Variants in GNPTAB observed in about 807,000 individuals in gnomAD.
The protein encoded by GNPTAB is N-acetylglucosamine-1-phosphate transferase subunits alpha and beta.
GNPTAB carries 92 observed loss-of-function variants against 136.6 expected under a neutral mutation model. The observed-to-expected ratio is 0.67, with a 90% CI of 0.57 to 0.80. The LOEUF (loss-of-function observed/expected upper bound fraction) is 0.80. GNPTAB is among the 30% of genes least tolerant of loss of function. The probability of loss-of-function intolerance (pLI) is 0.00; values close to 1 mark genes in which losing one functional copy is unlikely to be tolerated. For synonymous variants in GNPTAB, 512 were observed against 535.1 expected (o/e 0.96, Z 0.60); for missense variants, 1,343 against 1,501.8 (o/e 0.89, Z 1.75).
In GNPTAB at chr12:101,802,791, G is replaced by A. The variant is rs371980167; in HGVS notation, c.118-6029C>T. 2.0e-3 allele frequency among the ~76,000 whole-genome samples: 298 copies of A among 152,262 alleles called. 6 individuals are homozygous for A. The highest frequency in any genetic ancestry group is 6.9e-3 in the African/African-American group (286 of 41,548). On this transcript the variant is annotated intron_variant, in intron 1 of 20. Transcript: ENST00000299314. ...CTCTCCCAGCTGGTCAAAAGGGCCC[G>A]AACAGAATGGGAAACTGTGCCTACC...
chr12:101,808,525 G>A (rs937237118), intron 1 of GNPTAB, among the ~76,000 whole-genome samples: 4 of 152,082 alleles, frequency 2.6e-5, no homozygotes, highest in Non-Finnish European at 5.9e-5. Context: ...CTGGATGACA[G>A]AGCAAGACTC....
intron 11 of GNPTAB, 35 bp from the exon 12 acceptor site, chr12:101,766,329 T>A (rs767500508): frequency 1.3e-6 from 2 of 1,571,574 alleles, no homozygotes; most frequent in Non-Finnish European, 1.8e-6. Flanking sequence ...ATTCTTGCTG[T>A]AATTACAATT....
intron 1 of GNPTAB, among the ~76,000 whole-genome samples, chr12:101,797,178 A>G (rs1018750843): frequency 6.6e-6 from 1 of 152,150 alleles, no homozygotes; most frequent in African/African-American, 2.4e-5. Context: ...CAGGTAGATA[A>G]CTGTTGAGAA....
In GNPTAB at chr12:101,771,306, C is replaced by T. The variant is rs565338672; in HGVS notation, c.772-149G>A. ...GTCGCCAGGCTGGAGCGCAGTGGCA[C>T]GATCTCTGCTCACCTCAACCTCCGC... On this transcript the variant is annotated intron_variant, in intron 7 of 20. Transcript: ENST00000299314. 5.7e-4 allele frequency: 397 copies of T among 699,898 alleles called. 1 individual carries two copies. In the African/African-American group the frequency reaches 6.6e-3, roughly 12 times the overall value. 43.4% of individuals were successfully genotyped at this position (699,898 alleles called of 1,614,324 possible). A position where few individuals can be genotyped will look rare whatever the true frequency, so the allele number is the denominator to read the frequency against.
Position 101,800,121 on chromosome 12 carries a change from G to A in GNPTAB, c.118-3359C>T, listed in dbSNP as rs11111027. 2.6e-4 allele frequency among the ~76,000 whole-genome samples: 40 copies of A among 152,220 alleles called. 1 individual carries two copies. The East Asian group carries it at 7.1e-3, about 27-fold the overall frequency. On this transcript the variant is annotated intron_variant, in intron 1 of 20. Coordinates refer to ENST00000299314, the MANE Select transcript of GNPTAB (RefSeq NM_024312.5). Reference sequence around the variant, plus strand: ...GGGAGATTAATGAGAAGCAGAATGGGATCCTAAAATGCTAAAGCATGCAAT... The same window carrying A: ...GGGAGATTAATGAGAAGCAGAATGGAATCCTAAAATGCTAAAGCATGCAAT...
At chr12:101,756,546 C>T in intron 18 of GNPTAB, 1 of 340,368 alleles carries the variant, frequency 2.9e-6, no homozygotes, top group South Asian at 2.2e-5. Context: ...TGCATTCCAG[C>T]TTGGACAACA....
At chr12:101,749,829 T>C (rs1952789454) in intron 19 of GNPTAB, among the ~76,000 whole-genome samples, 2 of 152,048 alleles carry the variant, frequency 1.3e-5, no homozygotes, top group African/African-American at 4.8e-5. Flanking sequence ...TGCGGCAGCA[T>C]GGGGGGAACT....
chr12:101,786,241 T>C (rs1393850072), intron 4 of GNPTAB, 24 bp from the exon 5 acceptor site: 1 of 1,567,914 alleles, frequency 6.4e-7, no homozygotes, highest in Non-Finnish European at 8.8e-7. Context: ...CCAACATGCT[T>C]ACAATTACAT....
rs1388923497 is a variant in GNPTAB, at chr12:101,786,118, T to C, written c.465A>G (p.Pro155=). The change falls in exon 5 of 21, where the codon CCA becomes CCG. Residue 155 remains proline (P), a synonymous_variant. Coordinates refer to ENST00000299314, the MANE Select transcript of GNPTAB (RefSeq NM_024312.5). The stretch of plus-strand genomic sequence containing the variant: ...CAGAATGAAAAGAAGGATAAAGAGA[T>C]GGCAGGTCCTTCAGGGTGATGTTGG... ...LPANITLKDL[P]SLYPSFHSAS... 5 of 1,614,082 alleles carry C rather than the reference T, an allele frequency of 3.1e-6. No homozygotes were observed. The highest frequency in any genetic ancestry group is 4.2e-6 in the Non-Finnish European group (5 of 1,179,960).
chr12:101,821,056 T>TAA lies in GNPTAB; in HGVS notation c.117+9502_117+9503insTT, dbSNP rs1566101479. The stretch of plus-strand genomic sequence containing the variant: ...CTGGGCGGCAGAGTGAGACTCCGTC[T>TAA]CAAAAAAAAAAAAAAAAAAAAAAGC... On this transcript the variant is annotated intron_variant, in intron 1 of 20. Coordinates refer to ENST00000299314, the MANE Select transcript of GNPTAB (RefSeq NM_024312.5). Among the ~76,000 whole-genome samples, 12 of 114,716 alleles carry TAA rather than the reference T, an allele frequency of 1.0e-4. 1 individual carries two copies. The highest frequency in any genetic ancestry group is 1.1e-4 in the Non-Finnish European group (6 of 56,418). 75.3% of individuals were successfully genotyped at this position (114,716 alleles called of 152,430 possible).
chr12:101,761,041 G>A, intron 15 of GNPTAB, 86 bp downstream of exon 15: 1 of 978,478 alleles, frequency 1.0e-6, no homozygotes, highest in Non-Finnish European at 1.6e-6. Flanking sequence ...CAAAGTGCTG[G>A]GATTACAGGT....
chr12:101,809,111 T>C (rs1437638452), intron 1 of GNPTAB, among the ~76,000 whole-genome samples: 1 of 151,840 alleles, frequency 6.6e-6, no homozygotes, highest in Non-Finnish European at 1.5e-5. Context: ...ACAACCCAAT[T>C]AAAAACTGGG....
chr12:101,768,111 G>C lies in GNPTAB; in HGVS notation c.1334C>G (p.Ser445Cys), dbSNP rs755439206. The C allele has an allele frequency of 6.2e-7, 1 of 1,614,094 alleles. No homozygotes were observed. The highest frequency in any genetic ancestry group is 8.5e-7 in the Non-Finnish European group (1 of 1,179,968). Residue 445 changes from serine (S) to cysteine (C), a missense_variant, in exon 11 of 21, where the codon TCC (serine) becomes TGC (cysteine). By Grantham distance (112) the Ser-to-Cys change is moderately radical. Transcript: ENST00000299314. ...VPNCAEGCPG[S>C]WIKDGYCDKA... ...GTCACAATAGCCATCCTTAATCCAG[G>C]AACCTGGGCAGCCCTCGGCACAGTT...
chr12:101,785,462 CCTT>C (rs997607345), intron 5 of GNPTAB: 1 of 153,748 alleles, frequency 6.5e-6, no homozygotes, highest in Non-Finnish European at 1.4e-5. Flanking sequence ...CTCAAGCAAT[CCTT>C]CTTAGTCTCC....
chr12:101,801,554 A>C (rs1373284777), intron 1 of GNPTAB, among the ~76,000 whole-genome samples: 1 of 143,272 alleles, frequency 7.0e-6, no homozygotes, highest in Non-Finnish European at 1.5e-5. Flanking sequence ...AAAAAAAAAA[A>C]AAAAAAAAAA....
chr12:101,784,093 G>C lies in GNPTAB; in HGVS notation c.571+1919C>G, dbSNP rs144304315. ...CTGATCAGGATATAAACTGGTGAGT[G>C]GTAAGTTTTCTGTTCAATAAAAAAA... is the stretch of plus-strand genomic sequence containing the variant. On this transcript the variant is annotated intron_variant, in intron 5 of 20. Transcript: ENST00000299314. Among the ~76,000 whole-genome samples, 22 of 152,084 alleles carry C rather than the reference G, an allele frequency of 1.4e-4. No individual in the cohort carries two copies. In the East Asian group the frequency reaches 4.2e-3, roughly 29 times the overall value.
chr12:101,810,198 A>G (rs918032457), intron 1 of GNPTAB, among the ~76,000 whole-genome samples: 9 of 152,066 alleles, frequency 5.9e-5, no homozygotes, highest in Non-Finnish European at 1.2e-4. Flanking sequence ...CAGTGAGCTG[A>G]CTGTACAACT....
At chr12:101,809,834 G>C (rs896547128) in intron 1 of GNPTAB, among the ~76,000 whole-genome samples, 1 of 152,172 alleles carries the variant, frequency 6.6e-6, no homozygotes, top group Non-Finnish European at 1.5e-5. Context: ...TGTAGTGGTA[G>C]ACACAGGACA....
chr12:101,752,600 G>A lies in GNPTAB; in HGVS notation c.3602+772C>T, dbSNP rs142192387. On this transcript the variant is annotated intron_variant, in intron 19 of 20. Coordinates refer to ENST00000299314, the MANE Select transcript of GNPTAB (RefSeq NM_024312.5). Reference sequence around the variant, plus strand: ...TCAGTATGAATTCTCCAACTAAGCTGGGCTAGCCCCCAAATTGCCCTGATC... The same window carrying A: ...TCAGTATGAATTCTCCAACTAAGCTAGGCTAGCCCCCAAATTGCCCTGATC... Among the ~76,000 whole-genome samples the A allele has an allele frequency of 6.0e-3, 915 of 152,300 alleles. 7 individuals carry two copies. Among genetic ancestry groups the A allele is most frequent in the African/African-American group, 0.021 (874 of 41,562 alleles).
Sources: gnomAD v4.1 joint callset for allele counts (sites outside exome capture counted in the v4.1 genomes callset) on GRCh38, gnomAD v4.1.1 for gene constraint, MANE v1.5 for transcripts, NCBI Gene and HGNC (gene_info 2026-07-23, HGNC 2026-07-21) for gene names.